The following ADCY9 variants were observed in gnomAD, a reference collection of about 807,000 sequenced individuals.
ADCY9 encodes the protein adenylate cyclase type 9.
ADCY9 carries 50 observed loss-of-function variants against 101.5 expected under a neutral mutation model. The ratio of observed to expected loss-of-function variants is 0.49; its 90% CI spans 0.39 to 0.62. The LOEUF (loss-of-function observed/expected upper bound fraction) is 0.62. ADCY9 is among the 20% of genes least tolerant of loss of function. The pLI is 0.00. For synonymous variants in ADCY9, 905 were observed against 769.3 expected (o/e 1.18, Z -2.92); for missense variants, 1,662 against 1,800.4 (o/e 0.92, Z 1.39).
chr16:3,968,226 G>A (rs192456386), intron 10 of ADCY9, among the ~76,000 whole-genome samples: 11 of 151,824 alleles, frequency 7.2e-5, no homozygotes, highest in African/African-American at 1.4e-4. Context: ...TCCGCCTCCC[G>A]GGTTCAAGTG....
Position 3,977,492 on chromosome 16 carries a change from A to G in ADCY9, c.2818T>C (p.Cys940Arg). 3 of 1,566,330 alleles carry G rather than the reference A, an allele frequency of 1.9e-6. No individual in the cohort carries two copies. The highest frequency in any genetic ancestry group is 8.7e-7 in the Non-Finnish European group (1 of 1,155,814). Residue 940 changes from cysteine (C) to arginine (R), a missense_variant, in exon 9 of 11, where the codon TGC (cysteine) becomes CGC (arginine). Physicochemically the swap from Cys to Arg is radical, Grantham distance 180. Around this residue, in one of 5 missense-constraint regions of ADCY9, gnomAD observed 624 missense variants for 639.1 expected, o/e 0.98. Transcript: ENST00000294016. ...GTGCTGGCCGCGTACCTGTCTGGGC[A>G]CAGGGAGACGTAGAGCAGGAGCAGC... ...GPLLLLYVSL[C>R]PDSSVLTSPL...
intron 2 of ADCY9, among the ~76,000 whole-genome samples, chr16:4,037,568 T>A (rs945483609): frequency 2.0e-5 from 3 of 152,172 alleles, no homozygotes; most frequent in African/African-American, 7.2e-5. Flanking sequence ...TTCCTCTGGG[T>A]AGATATCTAG....
chr16:4,022,486 G>A (rs1234227441), intron 2 of ADCY9, among the ~76,000 whole-genome samples: 8 of 58,360 alleles, frequency 1.4e-4, no homozygotes, highest in Admixed American at 6.3e-4. Context: ...GCGAGACTCC[G>A]TCTCAAAAAA....
intron 2 of ADCY9, among the ~76,000 whole-genome samples, chr16:4,075,286 G>C (rs1248538294): frequency 6.6e-6 from 1 of 152,218 alleles, no homozygotes; most frequent in African/African-American, 2.4e-5. Context: ...TTACAGGCAT[G>C]TGCCACCACG....
In ADCY9 at chr16:4,114,507, C is replaced by A; in HGVS notation, c.936G>T (p.Lys312Asn). 1 of 1,614,172 alleles carries A rather than the reference C, an allele frequency of 6.2e-7. No homozygotes were observed. Among genetic ancestry groups the A allele is most frequent in the Non-Finnish European group, 8.5e-7 (1 of 1,180,040 alleles). Reference sequence around the variant, plus strand: ...TCCCGTGCATAATGGATTGCCCCACCTTGAGGAAGGTGCTCCTGGACCTCA... The same window carrying A: ...TCCCGTGCATAATGGATTGCCCCACATTGAGGAAGGTGCTCCTGGACCTCA... ...SQVRSRSTFL[K>N]VGQSIMHGKD... Residue 312 changes from lysine (K) to asparagine (N), a missense_variant, in exon 2 of 11, where the codon AAG becomes AAT. Coordinates refer to ENST00000294016, the MANE Select transcript of ADCY9 (RefSeq NM_001116.4). This position sits in a 1 kb window ranked among gnomAD's most constrained non-coding sequence, Gnocchi z 4.3.
chr16:3,966,501 G>T lies in ADCY9; in HGVS notation c.3336C>A (p.Ala1112=), dbSNP rs545899558. 6.2e-7 allele frequency: 1 copy of T among 1,614,138 alleles called. No homozygotes were observed. Among genetic ancestry groups the T allele is most frequent in the Admixed American group, 1.7e-5 (1 of 60,012 alleles). ...SSIEKIKTIG[A]TYMAASGLNT... ...TCAGCCCTGACGCCGCCATGTACGT[G>T]GCTCCGATGGTCTTGATCTTCTCGA... The change falls in exon 11 of 11, where the codon GCC becomes GCA. Residue 1112 remains alanine (A), a synonymous_variant. Transcript: ENST00000294016.
chr16:3,966,940 G>T lies in ADCY9; in HGVS notation c.2897C>A (p.Ser966Ter). The T allele has an allele frequency of 6.2e-7, 1 of 1,613,342 alleles. No individual in the cohort carries two copies. The highest frequency in any genetic ancestry group is 1.1e-5 in the South Asian group (1 of 91,024). The change falls in exon 11 of 11, where the codon TCG becomes TAG. Residue 966 changes from serine to a stop codon, truncating the protein, a stop_gained. Coordinates refer to ENST00000294016, the MANE Select transcript of ADCY9 (RefSeq NM_001116.4). LOFTEE classifies it high-confidence loss of function. ...FSSERNPCNSSVPRDLRRPAS... is the reference protein window; with the variant it reads ...FSSERNPCNS ...GGGCCGCCGGAGGTCACGCGGCACC[G>T]AACTATTGCACGGGTTCCTCTCGGA...
At chr16:4,043,066 C>A (rs2056638304) in intron 2 of ADCY9, among the ~76,000 whole-genome samples, 1 of 151,886 alleles carries the variant, frequency 6.6e-6, no homozygotes, top group Admixed American at 6.6e-5. Flanking sequence ...CTCATCTCTA[C>A]TAAAAATACA....
intron 2 of ADCY9, among the ~76,000 whole-genome samples, chr16:4,050,946 C>T (rs2056697337): frequency 6.6e-6 from 1 of 152,142 alleles, no homozygotes; most frequent in Admixed American, 6.5e-5. Flanking sequence ...GGAGCAGTGG[C>T]TCACACCTGT....
chr16:4,014,510 C>T (rs1008759873), intron 2 of ADCY9, among the ~76,000 whole-genome samples: 2 of 151,290 alleles, frequency 1.3e-5, no homozygotes, highest in African/African-American at 2.4e-5. Context: ...CGTAGTGGCG[C>T]GATCTCAGCT....
chr16:3,998,978 T>C (rs2056311457), intron 3 of ADCY9, among the ~76,000 whole-genome samples: 10 of 151,904 alleles, frequency 6.6e-5, no homozygotes, highest in Admixed American at 6.6e-4. Context: ...CTTGAGCGAT[T>C]CATTAGCTTA....
chr16:4,029,089 T>C (rs2141752040), intron 2 of ADCY9, among the ~76,000 whole-genome samples: 1 of 152,284 alleles, frequency 6.6e-6, no homozygotes, highest in South Asian at 2.1e-4. Context: ...GGCCTAGCTA[T>C]ATATTTTTTA....
rs149967507 is a variant in ADCY9 at position 4,026,150 on chromosome 16, C to T, written c.1694-18592G>A. On this transcript the variant is annotated intron_variant, in intron 2 of 10. Coordinates refer to ENST00000294016, the MANE Select transcript of ADCY9 (RefSeq NM_001116.4). ...TTATGAAACTAAAGTAGAGGCTGGG[C>T]GCGGTGGATCACGCCTATAATCCCA... Among the ~76,000 whole-genome samples, 372 of 152,228 alleles carry T rather than the reference C, an allele frequency of 2.4e-3. 2 individuals are homozygous for T. Among genetic ancestry groups the T allele is most frequent in the Non-Finnish European group, 3.4e-3 (232 of 68,006 alleles).
chr16:4,050,998 AGG>A (rs1307937676), intron 2 of ADCY9, among the ~76,000 whole-genome samples: 8 of 151,090 alleles, frequency 5.3e-5, no homozygotes, highest in African/African-American at 1.7e-4. Flanking sequence ...AGATCACCTG[AGG>A]TTACAAGTTG....
intron 2 of ADCY9, among the ~76,000 whole-genome samples, chr16:4,024,174 C>T (rs1597172744): frequency 1.3e-5 from 2 of 151,958 alleles, no homozygotes; most frequent in East Asian, 3.9e-4. Flanking sequence ...AGGCACCAAC[C>T]ACCATGCCTG....
chr16:3,967,932 A>G (rs2056014138), intron 10 of ADCY9, among the ~76,000 whole-genome samples: 1 of 151,986 alleles, frequency 6.6e-6, no homozygotes, highest in Non-Finnish European at 1.5e-5. Flanking sequence ...TCCTGATCTC[A>G]AAGTGATCAG....
intron 2 of ADCY9, among the ~76,000 whole-genome samples, chr16:4,112,916 A>G (rs148428788): frequency 1.9e-3 from 284 of 152,210 alleles, no homozygotes; most frequent in African/African-American, 6.4e-3. Flanking sequence ...TTTGTCCTAT[A>G]TTAGAAAAAA....
intron 3 of ADCY9, 77 bp from the exon 4 acceptor site, chr16:3,993,587 T>G: frequency 6.4e-7 from 1 of 1,560,654 alleles, no homozygotes; most frequent in Non-Finnish European, 8.8e-7. Flanking sequence ...GGTCCGCTGT[T>G]GCCATCTGCC....
At chr16:3,990,986 G>A (rs1357510017) in intron 5 of ADCY9, among the ~76,000 whole-genome samples, 1 of 152,212 alleles carries the variant, frequency 6.6e-6, no homozygotes, top group East Asian at 1.9e-4. Flanking sequence ...TTTTAGTAGA[G>A]ACGGGGTTTC....
Sources: allele counts gnomAD v4.1 joint callset (sites outside exome capture counted in the v4.1 genomes callset), GRCh38; gene constraint gnomAD v4.1.1; regional missense constraint gnomAD v4.1.1; non-coding constraint Gnocchi (gnomAD v3.1); transcripts MANE v1.5; gene names NCBI Gene and HGNC (gene_info 2026-07-23, HGNC 2026-07-21).